The following MACROH2A2 variants were observed in gnomAD, a reference collection of about 807,000 sequenced individuals.
MACROH2A2 encodes the protein core histone macro-H2A.2.
In MACROH2A2, 6 loss-of-function variants were observed where a neutral mutation model predicts 37.6. The ratio of observed to expected loss-of-function variants is 0.16; its 90% CI spans 0.09 to 0.32. The LOEUF (loss-of-function observed/expected upper bound fraction) is 0.32, where lower values mean the gene tolerates loss of function less well. Ranked by LOEUF, MACROH2A2 falls within the 10% of genes least tolerant of loss-of-function variation. The probability of loss-of-function intolerance (pLI) is 1.00; values close to 1 mark genes in which losing one functional copy is unlikely to be tolerated. For synonymous variants in MACROH2A2, 192 were observed against 202.7 expected, an observed-to-expected ratio of 0.95 and a Z score of 0.45; for missense variants, 290 against 485.9, an observed-to-expected ratio of 0.60 and a Z score of 3.79.
intron 4 of MACROH2A2, 64 bp downstream of exon 4, chr10:70,092,018 C>A (rs1426277390): frequency 7.7e-7 from 1 of 1,303,360 alleles, no homozygotes; most frequent in Non-Finnish European, 1.1e-6. Context: ...TGTCTGTGTT[C>A]CCCCACAATT....
chr10:70,080,693 C>T (rs1275651403), intron 2 of MACROH2A2, among the ~76,000 whole-genome samples: 1 of 151,784 alleles, frequency 6.6e-6, no homozygotes, highest in Non-Finnish European at 1.5e-5. Context: ...ACTAGCCTGA[C>T]CAACATGATG....
chr10:70,077,457 G>A (rs561968008), intron 2 of MACROH2A2, among the ~76,000 whole-genome samples: 40 of 151,830 alleles, frequency 2.6e-4, no homozygotes, highest in Non-Finnish European at 5.1e-4. Flanking sequence ...ATTACAGGCC[G>A]GTAATCCCAG....
Position 70,091,932 on chromosome 10 carries a change from C to T in MACROH2A2, c.455C>T (p.Ala152Val). 6.2e-7 allele frequency: 1 copy of T among 1,613,642 alleles called. No homozygotes were observed. Among genetic ancestry groups the T allele is most frequent in the African/African-American group, 1.3e-5 (1 of 74,992 alleles). ...GKKGGKKSKA[A>V]KPRTSKKSKP... ...AAGGGGGGGAAGAAATCCAAGGCTG[C>T]CAAACCACGGACGTCCAAAAAGGTA... Residue 152 changes from alanine to valine, a missense_variant, in exon 4 of 9, where the codon GCC (alanine) becomes GTC (valine). By Grantham distance (64) the Ala-to-Val change is moderately conservative. Transcript: ENST00000373255.
intron 4 of MACROH2A2, 78 bp from the exon 5 acceptor site, chr10:70,093,657 C>A: frequency 1.4e-6 from 1 of 737,106 alleles, no homozygotes. Flanking sequence ...TGGTGGCAGC[C>A]GTGAGAAGAG....
In MACROH2A2 at chr10:70,053,151, T is replaced by A. The variant is rs1266707775; in HGVS notation, c.-60+151T>A. Among the ~76,000 whole-genome samples the A allele has an allele frequency of 6.6e-6, 1 of 152,120 alleles. No homozygotes were observed. The highest frequency in any genetic ancestry group is 6.5e-5 in the Admixed American group (1 of 15,286). On this transcript the variant is annotated intron_variant, in intron 1 of 8. Transcript: ENST00000373255. The surrounding 1 kb of genome is among the most constrained non-coding windows in gnomAD (Gnocchi z 4.8). ...CGCACCCTCGATAGCCGACCCACCC[T>A]CTGCAAAAACAAATTCTTAAATCCA...
chr10:70,074,649 T>C (rs898847020), intron 1 of MACROH2A2, among the ~76,000 whole-genome samples: 1 of 152,148 alleles, frequency 6.6e-6, no homozygotes, highest in African/African-American at 2.4e-5. Context: ...CCCCATACCA[T>C]TCTCGTGGTA....
chr10:70,110,574 G>A (rs2072365301), intron 8 of MACROH2A2, among the ~76,000 whole-genome samples: 1 of 152,110 alleles, frequency 6.6e-6, no homozygotes, highest in African/African-American at 2.4e-5. Flanking sequence ...AGCTTGACTT[G>A]GTCAGGTGAC....
chr10:70,090,215 G>A (rs1245068869), intron 3 of MACROH2A2, 49 bp downstream of exon 3: 4 of 1,212,972 alleles, frequency 3.3e-6, no homozygotes, highest in Non-Finnish European at 4.9e-6. Context: ...TGCCAAACAT[G>A]CTAATGTGTG....
chr10:70,086,025 T>A (rs1223938716), intron 2 of MACROH2A2, among the ~76,000 whole-genome samples: 1 of 151,600 alleles, frequency 6.6e-6, no homozygotes, highest in Non-Finnish European at 1.5e-5. Flanking sequence ...AGAGGCAGGG[T>A]CTCCTCTGTC....
chr10:70,111,834 T>A lies in MACROH2A2; in HGVS notation c.*151T>A, dbSNP rs1251848776. 1 of 517,630 alleles carries A rather than the reference T, an allele frequency of 1.9e-6. No homozygotes were observed. Among genetic ancestry groups the A allele is most frequent in the Non-Finnish European group, 3.2e-6 (1 of 311,362 alleles). 32.1% of individuals were successfully genotyped at this position (517,630 alleles called of 1,614,324 possible). Reference sequence around the variant, plus strand: ...GCAGGGAGCCCTCTGCCCTTCACACTCTCCTCCAAAAGAGCCTCCATCTGT... The same window carrying A: ...GCAGGGAGCCCTCTGCCCTTCACACACTCCTCCAAAAGAGCCTCCATCTGT... On this transcript the variant is annotated 3_prime_UTR_variant, in exon 9 of 9. Coordinates refer to ENST00000373255, the MANE Select transcript of MACROH2A2 (RefSeq NM_018649.3).
rs920560642 is a variant in MACROH2A2, at chr10:70,100,268, A to T, written c.749A>T (p.Lys250Ile). 1 of 1,610,068 alleles carries T rather than the reference A, an allele frequency of 6.2e-7. No individual in the cohort carries two copies. The highest frequency in any genetic ancestry group is 1.7e-5 in the Admixed American group (1 of 59,890). Residue 250 changes from lysine (K) to isoleucine (I), a missense_variant, in exon 7 of 9, where the codon AAA becomes ATA. Transcript: ENST00000373255. Reference protein sequence around the residue: ...EFLETVKELRKSQGPLEVAEA... With the variant: ...EFLETVKELRISQGPLEVAEA... Reference sequence around the variant, plus strand: ...TTGGAAACGGTAAAGGAGCTTCGCAAATCCCAAGGCCCTTTGGAAGTCGCC... The same window carrying T: ...TTGGAAACGGTAAAGGAGCTTCGCATATCCCAAGGCCCTTTGGAAGTCGCC...
intron 2 of MACROH2A2, among the ~76,000 whole-genome samples, chr10:70,080,049 G>T (rs1209917311): frequency 6.6e-6 from 1 of 152,186 alleles, no homozygotes; most frequent in East Asian, 1.9e-4. Flanking sequence ...GGATGCAGAA[G>T]CGGGCAGATC....
intron 7 of MACROH2A2, among the ~76,000 whole-genome samples, chr10:70,104,463 G>A (rs1378902567): frequency 6.6e-6 from 1 of 151,986 alleles, no homozygotes; most frequent in Non-Finnish European, 1.5e-5. Flanking sequence ...GCTCACCTGA[G>A]GTCGGGAGTT....
chr10:70,090,699 T>C (rs945066386), intron 3 of MACROH2A2, among the ~76,000 whole-genome samples: 1 of 152,226 alleles, frequency 6.6e-6, no homozygotes, highest in African/African-American at 2.4e-5. Flanking sequence ...AGAAGCCATT[T>C]TTATGGCCAA....
chr10:70,111,765 G>GTGA lies in MACROH2A2; in HGVS notation c.*85_*87dup, dbSNP rs1198089628. The GTGA allele has an allele frequency of 2.9e-5, 37 of 1,268,318 alleles. No individual in the cohort carries two copies. Among genetic ancestry groups the GTGA allele is most frequent in the Non-Finnish European group, 3.8e-5 (36 of 943,162 alleles). The allele number at this position is 1,268,318 out of a possible 1,614,324, so 78.6% of individuals were successfully genotyped here. A position where few individuals can be genotyped will look rare whatever the true frequency, so the allele number is the denominator to read the frequency against. On this transcript the variant is annotated 3_prime_UTR_variant, in exon 9 of 9. Transcript: ENST00000373255. ...TGCTTTTTAAAAGGAGAGAGGAGGGGTGATGGCAGGGGAGTGGAGGGTGGC... is the reference window on the plus strand; with the variant it reads ...TGCTTTTTAAAAGGAGAGAGGAGGGGTGATGATGGCAGGGGAGTGGAGGGTGGC...
chr10:70,070,122 C>A (rs568478985), intron 1 of MACROH2A2, among the ~76,000 whole-genome samples: 3 of 152,150 alleles, frequency 2.0e-5, no homozygotes, highest in African/African-American at 7.2e-5. Context: ...GACCTCACAG[C>A]CCTGAGTCCC....
In MACROH2A2 at chr10:70,053,734, G is replaced by A. The variant is rs1171301859; in HGVS notation, c.-60+734G>A. On this transcript the variant is annotated intron_variant, in intron 1 of 8. Coordinates refer to ENST00000373255, the MANE Select transcript of MACROH2A2 (RefSeq NM_018649.3). This position sits in a 1 kb window ranked among gnomAD's most constrained non-coding sequence, Gnocchi z 4.8. ...TCCCCTTCGGTTCCCTTTCCGGGGC[G>A]CCCGGTGCCGACGCGCGCTGCGCTT... 2.0e-5 allele frequency among the ~76,000 whole-genome samples: 3 copies of A among 152,024 alleles called. No homozygotes were observed. Among genetic ancestry groups the A allele is most frequent in the Middle Eastern group, 3.4e-3 (1 of 292 alleles).
chr10:70,068,238 C>G (rs1371258189), intron 1 of MACROH2A2, among the ~76,000 whole-genome samples: 1 of 152,010 alleles, frequency 6.6e-6, no homozygotes, highest in Non-Finnish European at 1.5e-5. Context: ...TAGGTTTAAG[C>G]TTGTTGGTGG....
Position 70,111,790 on chromosome 10 carries a change from C to A in MACROH2A2, c.*107C>A. The A allele has an allele frequency of 1.1e-6, 1 of 944,692 alleles. No individual in the cohort carries two copies. The highest frequency in any genetic ancestry group is 1.5e-6 in the Non-Finnish European group (1 of 675,002). 58.5% of individuals were successfully genotyped at this position (944,692 alleles called of 1,614,324 possible). A position where few individuals can be genotyped will look rare whatever the true frequency, so the allele number is the denominator to read the frequency against. On this transcript the variant is annotated 3_prime_UTR_variant, in exon 9 of 9. Coordinates refer to ENST00000373255, the MANE Select transcript of MACROH2A2 (RefSeq NM_018649.3). ...GTGATGGCAGGGGAGTGGAGGGTGG[C>A]CGGGCAGGTCCTGCCGGCGCAGGGA...
Sources: allele counts gnomAD v4.1 joint callset (sites outside exome capture counted in the v4.1 genomes callset), GRCh38; gene constraint gnomAD v4.1.1; non-coding constraint Gnocchi (gnomAD v3.1); transcripts MANE v1.5; gene names NCBI Gene and HGNC (gene_info 2026-07-23, HGNC 2026-07-21).